The following GRM7 variants were observed in gnomAD, a reference collection of about 807,000 sequenced individuals.
GRM7 encodes glutamate metabotropic receptor 7, also known as metabotropic glutamate receptor 7.
GRM7 carries 35 observed loss-of-function variants against 84.5 expected under a neutral mutation model. That is an observed-to-expected ratio of 0.41 (90% CI 0.32 to 0.55). GRM7 has a LOEUF of 0.55. Ranked by LOEUF, GRM7 falls within the 20% of genes least tolerant of loss-of-function variation. GRM7 has a pLI of 0.19. For synonymous variants in GRM7, 487 were observed against 455.1 expected (o/e 1.07, Z -0.89); for missense variants, 1,003 against 1,194.6 (o/e 0.84, Z 2.36).
chr3:7,597,213 AG>A, intron 8 of GRM7, among the ~76,000 whole-genome samples: 1 of 152,068 alleles, frequency 6.6e-6, no homozygotes, highest in African/African-American at 2.4e-5. Context: ...ACATGGCAGG[AG>A]GAGGAGCAAA....
In GRM7 at chr3:7,151,624, CCTAG is replaced by C. The variant is rs1218476795; in HGVS notation, c.736+4957_736+4960del. ...TGTGTTTCTATTATCTAAGATAATT[CCTAG>C]TACATAGAAAGCAGTCAATCATTAT... is the stretch of plus-strand genomic sequence containing the variant. On this transcript the variant is annotated intron_variant, in intron 2 of 9. Transcript: ENST00000357716. This position sits in a 1 kb window ranked among gnomAD's most constrained non-coding sequence, Gnocchi z 4.5. Among the ~76,000 whole-genome samples, 1 of 152,088 alleles carries C rather than the reference CCTAG, an allele frequency of 6.6e-6. No homozygotes were observed. The highest frequency in any genetic ancestry group is 1.5e-5 in the Non-Finnish European group (1 of 68,022).
chr3:7,227,893 G>A (rs1043708371), intron 2 of GRM7, among the ~76,000 whole-genome samples: 1 of 152,152 alleles, frequency 6.6e-6, no homozygotes, highest in Non-Finnish European at 1.5e-5. Flanking sequence ...TAGTCCCTAG[G>A]TTAGGGATAG....
At position 7,549,987 on chromosome 3, in the gene GRM7, C is replaced by T. The variant is rs531976615; in HGVS notation, c.1516-28435C>T. On this transcript the variant is annotated intron_variant, in intron 7 of 9. Coordinates refer to ENST00000357716, the MANE Select transcript of GRM7 (RefSeq NM_000844.4). Reference sequence around the variant, plus strand: ...ACTGCTGCTCTTTTTATATATCCTTCCAGTTTCTTTTTGCATATCCAAGTA... The same window carrying T: ...ACTGCTGCTCTTTTTATATATCCTTTCAGTTTCTTTTTGCATATCCAAGTA... Among the ~76,000 whole-genome samples the T allele has an allele frequency of 2.1e-3, 314 of 152,288 alleles. 1 individual carries two copies. Among genetic ancestry groups the T allele is most frequent in the Middle Eastern group, 3.4e-3 (1 of 294 alleles).
chr3:7,026,086 G>A (rs982182737), intron 1 of GRM7, among the ~76,000 whole-genome samples: 2 of 152,132 alleles, frequency 1.3e-5, no homozygotes, highest in Non-Finnish European at 2.9e-5. Flanking sequence ...AGAGGTGCAG[G>A]GAAAAGAAGT....
chr3:7,234,615 A>G (rs1371360967), intron 2 of GRM7, among the ~76,000 whole-genome samples: 2 of 152,216 alleles, frequency 1.3e-5, no homozygotes, highest in Non-Finnish European at 2.9e-5. Flanking sequence ...ATCATACTGC[A>G]TGATTAAACG....
intron 9 of GRM7, chr3:7,681,616 C>T (rs1700371653): frequency 6.6e-6 from 1 of 152,148 alleles, no homozygotes; most frequent in African/African-American, 2.4e-5. Context: ...AAGGGAGGAA[C>T]AGAATGAATG....
intron 4 of GRM7, among the ~76,000 whole-genome samples, chr3:7,413,698 C>T (rs1696040441): frequency 6.6e-6 from 1 of 152,106 alleles, no homozygotes; most frequent in South Asian, 2.1e-4. Flanking sequence ...CCTGTGGAAT[C>T]AATAGCTGAT....
At chr3:7,459,953 G>A (rs1044765259) in intron 6 of GRM7, among the ~76,000 whole-genome samples, 2 of 151,840 alleles carry the variant, frequency 1.3e-5, no homozygotes, top group Non-Finnish European at 2.9e-5. Context: ...AACAGGAAAT[G>A]GATGAAGACT....
intron 1 of GRM7, among the ~76,000 whole-genome samples, chr3:6,899,660 C>T (rs1455996722): frequency 2.0e-5 from 3 of 151,974 alleles, no homozygotes; most frequent in Non-Finnish European, 4.4e-5. Context: ...TGATTGGATG[C>T]CAGAGAAAAA....
intron 7 of GRM7, among the ~76,000 whole-genome samples, chr3:7,545,370 A>G (rs1362522777): frequency 3.9e-5 from 6 of 152,234 alleles, no homozygotes; most frequent in Admixed American, 1.3e-4. Context: ...GGTTTAACTC[A>G]TCCTTGATCG....
intron 8 of GRM7, among the ~76,000 whole-genome samples, chr3:7,639,913 C>T (rs950523063): frequency 2.0e-5 from 3 of 152,102 alleles, no homozygotes; most frequent in African/African-American, 7.2e-5. Context: ...TAGATTAGTT[C>T]TGTTTGTGCT....
intron 8 of GRM7, among the ~76,000 whole-genome samples, chr3:7,610,795 A>T (rs1024194804): frequency 4.6e-5 from 7 of 152,182 alleles, no homozygotes; most frequent in Non-Finnish European, 8.8e-5. Context: ...GTTTGTTTTT[A>T]GTTTTGGTTT....
intron 1 of GRM7, among the ~76,000 whole-genome samples, chr3:6,946,354 A>C (rs552914220): frequency 6.6e-6 from 1 of 152,326 alleles, no homozygotes; most frequent in Admixed American, 6.5e-5. Context: ...AGGTTTGTCA[A>C]AGATCAGATA....
In GRM7 at chr3:7,293,147, G is replaced by A. The variant is rs142451035; in HGVS notation, c.737-5537G>A. Reference sequence around the variant, plus strand: ...ATCAATAGAGCTGCATTGTGTATCAGCTCTCTCGGGATTGAGTTTCAGGCT... The same window carrying A: ...ATCAATAGAGCTGCATTGTGTATCAACTCTCTCGGGATTGAGTTTCAGGCT... On this transcript the variant is annotated intron_variant, in intron 2 of 9. Coordinates refer to ENST00000357716, the MANE Select transcript of GRM7 (RefSeq NM_000844.4). 2.0e-5 allele frequency among the ~76,000 whole-genome samples: 3 copies of A among 152,072 alleles called. No individual in the cohort carries two copies. In the East Asian group the frequency reaches 5.8e-4, roughly 29 times the overall value.
At chr3:7,634,614 G>A (rs56200353) in intron 8 of GRM7, among the ~76,000 whole-genome samples, 1,707 of 151,872 alleles carry the variant, frequency 0.011, 18 homozygotes, top group Middle Eastern at 0.034. Context: ...CTAACAGAGT[G>A]AAACACCATC....
intron 7 of GRM7, among the ~76,000 whole-genome samples, chr3:7,495,209 C>T (rs1699658682): frequency 6.6e-6 from 1 of 152,110 alleles, no homozygotes; most frequent in South Asian, 2.1e-4. Flanking sequence ...TAAGTTGCTG[C>T]TCAGGCTCCC....
At chr3:7,676,193 A>G (rs1389317251) in intron 8 of GRM7, among the ~76,000 whole-genome samples, 1 of 152,174 alleles carries the variant, frequency 6.6e-6, no homozygotes, top group African/African-American at 2.4e-5. Flanking sequence ...GCTAGAATTT[A>G]CTAAAGAATG....
chr3:7,326,064 G>A (rs1380621460), intron 4 of GRM7, among the ~76,000 whole-genome samples: 6 of 115,412 alleles, frequency 5.2e-5, no homozygotes, highest in African/African-American at 7.0e-5. Context: ...CGGCCCCAAA[G>A]CATGAACACT....
intron 6 of GRM7, among the ~76,000 whole-genome samples, chr3:7,454,618 C>T (rs1454185906): frequency 6.6e-6 from 1 of 151,900 alleles, no homozygotes. Context: ...TCTCACAATT[C>T]TGAAGCTAAT....
Sources: gnomAD v4.1 joint callset for allele counts (sites outside exome capture counted in the v4.1 genomes callset) on GRCh38, gnomAD v4.1.1 for gene constraint, Gnocchi (gnomAD v3.1) non-coding constraint, MANE v1.5 for transcripts, NCBI Gene and HGNC (gene_info 2026-07-23, HGNC 2026-07-21) for gene names.